DSCAM: variants seen among roughly 807,000 people sequenced by gnomAD.
DSCAM encodes DS cell adhesion molecule.
A neutral mutation model predicts 217.7 loss-of-function variants in DSCAM; 47 were observed. The observed-to-expected ratio is 0.22, with a 90% confidence interval of 0.17 to 0.28. DSCAM has a LOEUF of 0.28. Ranked by LOEUF, DSCAM falls within the 10% of genes least tolerant of loss-of-function variation. DSCAM has a pLI of 1.00. For missense variants in DSCAM, 2,080 were observed against 2,618.3 expected, an observed-to-expected ratio of 0.79 and a Z score of 4.49; for synonymous variants, 1,056 against 1,015.3, an observed-to-expected ratio of 1.04 and a Z score of -0.76.
chr21:40,595,169 G>A (rs1260694872), intron 3 of DSCAM, among the ~76,000 whole-genome samples: 1 of 152,096 alleles, frequency 6.6e-6, no homozygotes, highest in African/African-American at 2.4e-5. Context: ...CTTGAGCCCA[G>A]GAGTTTGAGA....
chr21:40,434,843 A>C (rs926990850), intron 3 of DSCAM, among the ~76,000 whole-genome samples: 3 of 152,206 alleles, frequency 2.0e-5, no homozygotes, highest in Non-Finnish European at 4.4e-5. Flanking sequence ...ACAATCACTG[A>C]TATCTACAAG....
chr21:40,493,871 A>AT (rs1372326003), intron 3 of DSCAM, among the ~76,000 whole-genome samples: 4 of 134,706 alleles, frequency 3.0e-5, no homozygotes, highest in African/African-American at 8.8e-5. Context: ...CTCAAAAAAA[A>AT]AAAAAAAAAT....
At chr21:40,153,925 C>A (rs534559839) in intron 16 of DSCAM, among the ~76,000 whole-genome samples, 1 of 152,224 alleles carries the variant, frequency 6.6e-6, no homozygotes, top group African/African-American at 2.4e-5. Flanking sequence ...TGGTTCTTGG[C>A]CAAACAAAAG....
chr21:40,098,323 T>C (rs950054134), intron 20 of DSCAM, among the ~76,000 whole-genome samples: 3 of 152,178 alleles, frequency 2.0e-5, no homozygotes, highest in African/African-American at 7.2e-5. Context: ...ACAAAACTAA[T>C]GGAACTTCAA....
chr21:40,137,069 G>A (rs1293397922), intron 18 of DSCAM, among the ~76,000 whole-genome samples: 2 of 151,842 alleles, frequency 1.3e-5, no homozygotes, highest in Admixed American at 1.3e-4. Context: ...AGGTACTCGG[G>A]GAGGCTGAGG....
chr21:40,273,699 G>A (rs748100277), intron 11 of DSCAM, among the ~76,000 whole-genome samples: 1 of 152,150 alleles, frequency 6.6e-6, no homozygotes, highest in African/African-American at 2.4e-5. Context: ...TATCAACAAC[G>A]GAAATGTATT....
At chr21:40,375,347 C>T (rs1367021479) in intron 3 of DSCAM, among the ~76,000 whole-genome samples, 1 of 152,226 alleles carries the variant, frequency 6.6e-6, no homozygotes, top group Non-Finnish European at 1.5e-5. Flanking sequence ...CTAGACCTAA[C>T]CACTTATGAT....
At chr21:40,324,128 A>G (rs1439442582) in intron 8 of DSCAM, among the ~76,000 whole-genome samples, 9 of 133,190 alleles carry the variant, frequency 6.8e-5, no homozygotes, top group East Asian at 2.0e-4. Flanking sequence ...AAAAAAAAAA[A>G]AAAGAAAAAA....
intron 1 of DSCAM, among the ~76,000 whole-genome samples, chr21:40,731,911 GA>G (rs1171592330): frequency 6.6e-6 from 1 of 152,078 alleles, no homozygotes; most frequent in Non-Finnish European, 1.5e-5. Context: ...ATTTTTAGTA[GA>G]GACAGGGTTT....
At chr21:40,109,738 T>C (rs757274197) in intron 20 of DSCAM, among the ~76,000 whole-genome samples, 6 of 152,148 alleles carry the variant, frequency 3.9e-5, no homozygotes, top group Non-Finnish European at 8.8e-5. Context: ...ACTTTTCCGA[T>C]GGTCTTAGCA....
intron 2 of DSCAM, among the ~76,000 whole-genome samples, chr21:40,699,259 A>G (rs536385103): frequency 6.6e-6 from 1 of 152,308 alleles, no homozygotes; most frequent in Admixed American, 6.5e-5. Context: ...TACAGGTCAT[A>G]TGTGCTCTGC....
At chr21:40,802,636 C>A (rs1266325504) in intron 1 of DSCAM, among the ~76,000 whole-genome samples, 1 of 152,162 alleles carries the variant, frequency 6.6e-6, no homozygotes, top group African/African-American at 2.4e-5. Context: ...TTCATGGATT[C>A]ATGGGTTATC....
chr21:40,108,279 A>G (rs1388334967), intron 20 of DSCAM, among the ~76,000 whole-genome samples: 1 of 152,210 alleles, frequency 6.6e-6, no homozygotes, highest in Non-Finnish European at 1.5e-5. Context: ...TCTCAGCCCA[A>G]AAGCTTCTTA....
At chr21:40,702,893 A>G (rs2090672686) in intron 2 of DSCAM, among the ~76,000 whole-genome samples, 1 of 152,154 alleles carries the variant, frequency 6.6e-6, no homozygotes, top group South Asian at 2.1e-4. Context: ...AACCTCCAAT[A>G]TTACACTCCC....
intron 8 of DSCAM, among the ~76,000 whole-genome samples, chr21:40,318,752 C>T (rs1181771372): frequency 2.0e-5 from 3 of 152,146 alleles, no homozygotes; most frequent in Non-Finnish European, 2.9e-5. Flanking sequence ...TTGCTGGAGC[C>T]GGTGGGTGCT....
At chr21:40,274,185 A>G (rs181044115) in intron 11 of DSCAM, among the ~76,000 whole-genome samples, 324 of 152,290 alleles carry the variant, frequency 2.1e-3, no homozygotes, top group Non-Finnish European at 3.2e-3. Flanking sequence ...CTGATGCTGC[A>G]CAACTGCCAC....
chr21:40,035,962 A>G (rs1278925276), intron 32 of DSCAM, among the ~76,000 whole-genome samples: 2 of 148,496 alleles, frequency 1.3e-5, no homozygotes, highest in Non-Finnish European at 2.9e-5. Flanking sequence ...GTTCTTTGAA[A>G]CCAACGAGAA....
intron 20 of DSCAM, among the ~76,000 whole-genome samples, chr21:40,113,861 T>G (rs571891293): frequency 5.9e-4 from 90 of 152,184 alleles, no homozygotes; most frequent in Non-Finnish European, 8.5e-4. Context: ...ACAAGGGATG[T>G]GAAGGACCTC....
intron 1 of DSCAM, among the ~76,000 whole-genome samples, chr21:40,755,451 G>A (rs1192868177): frequency 3.0e-5 from 3 of 100,050 alleles, no homozygotes; most frequent in Non-Finnish European, 6.2e-5. Context: ...GTCCCCACCT[G>A]CTAAAAAATA....
Sources: allele counts gnomAD v4.1 joint callset (sites outside exome capture counted in the v4.1 genomes callset), GRCh38; gene constraint gnomAD v4.1.1; transcripts MANE v1.5; gene names NCBI Gene and HGNC (gene_info 2026-07-23, HGNC 2026-07-21).